CTNNA3: variants seen among roughly 807,000 people sequenced by gnomAD.
CTNNA3 encodes the protein catenin alpha 3, also known as catenin alpha-3.
In CTNNA3, 76 loss-of-function variants were observed where a neutral mutation model predicts 95.7. The observed-to-expected ratio is 0.79, with a 90% CI of 0.66 to 0.96. The LOEUF is 0.96. Among genes scored for constraint, CTNNA3 ranks in the 40% least tolerant of loss-of-function variants. The probability of loss-of-function intolerance (pLI) is 0.00; values close to 1 mark genes in which losing one functional copy is unlikely to be tolerated. For missense variants in CTNNA3, 1,191 were observed against 1,089.8 expected (o/e 1.09, Z -1.31); for synonymous variants, 431 against 374.4 (o/e 1.15, Z -1.74).
chr10:66,400,668 T>C (rs2441717), intron 11 of CTNNA3, among the ~76,000 whole-genome samples: 55,828 of 152,012 alleles, frequency 0.37, 12,506 homozygotes, highest in African/African-American at 0.62. Flanking sequence ...CTCTCTTCCC[T>C]GCTATAATAT....
At chr10:66,202,365 T>C (rs2087483001) in intron 13 of CTNNA3, among the ~76,000 whole-genome samples, 1 of 152,208 alleles carries the variant, frequency 6.6e-6, no homozygotes, top group African/African-American at 2.4e-5. Context: ...CAACTGTTGT[T>C]AGAATCATGT....
chr10:66,194,077 G>C (rs2086823818), intron 13 of CTNNA3, among the ~76,000 whole-genome samples: 1 of 152,106 alleles, frequency 6.6e-6, no homozygotes, highest in Non-Finnish European at 1.5e-5. Context: ...TTCAAAACTT[G>C]ATCATCTAAA....
chr10:66,615,995 C>A (rs1432884173), intron 10 of CTNNA3, among the ~76,000 whole-genome samples: 6 of 151,948 alleles, frequency 3.9e-5, no homozygotes, highest in Non-Finnish European at 1.5e-5. Flanking sequence ...TTTCAGTATT[C>A]TTCCAAGTCA....
intron 13 of CTNNA3, among the ~76,000 whole-genome samples, chr10:66,112,054 C>T (rs2082139790): frequency 6.6e-6 from 1 of 152,192 alleles, no homozygotes. Flanking sequence ...CTCCTCAACA[C>T]TGAGAGATCT....
At chr10:67,039,856 C>T (rs1925632) in intron 7 of CTNNA3, among the ~76,000 whole-genome samples, 4 of 152,034 alleles carry the variant, frequency 2.6e-5, no homozygotes, top group Admixed American at 2.0e-4. Flanking sequence ...CTTCCAAGAC[C>T]GTTACAGATT....
intron 12 of CTNNA3, among the ~76,000 whole-genome samples, chr10:66,293,613 G>A (rs890142382): frequency 1.3e-5 from 2 of 150,590 alleles, no homozygotes; most frequent in Non-Finnish European, 3.0e-5. Context: ...CCTGTACAAT[G>A]TAATTCATTA....
chr10:67,305,850 T>C (rs1840532084), intron 5 of CTNNA3, among the ~76,000 whole-genome samples: 1 of 151,880 alleles, frequency 6.6e-6, no homozygotes. Context: ...GAAAGAAAAA[T>C]AAGCAAAGGT....
chr10:66,752,662 T>C (rs1217692884), intron 9 of CTNNA3, among the ~76,000 whole-genome samples: 2 of 152,124 alleles, frequency 1.3e-5, no homozygotes, highest in African/African-American at 4.8e-5. Flanking sequence ...ATAGAGAACA[T>C]ATTTATAAAT....
chr10:66,480,089 A>C (rs1015360696), intron 11 of CTNNA3, among the ~76,000 whole-genome samples: 2 of 152,260 alleles, frequency 1.3e-5, no homozygotes, highest in Admixed American at 1.3e-4. Flanking sequence ...CTGATTTAGA[A>C]AACAATCCCA....
intron 15 of CTNNA3, among the ~76,000 whole-genome samples, chr10:66,065,231 T>A (rs1033617944): frequency 9.6e-6 from 1 of 104,346 alleles, no homozygotes; most frequent in Non-Finnish European, 2.4e-5. Flanking sequence ...GTTTAAATGG[T>A]TTTTTTTTGT....
At chr10:66,545,590 C>T (rs1184703964) in intron 10 of CTNNA3, among the ~76,000 whole-genome samples, 1 of 152,004 alleles carries the variant, frequency 6.6e-6, no homozygotes, top group Non-Finnish European at 1.5e-5. Context: ...ATTAACTTTT[C>T]ATTTCAGAAG....
At chr10:67,505,153 G>A (rs2133114467) in intron 5 of CTNNA3, among the ~76,000 whole-genome samples, 1 of 152,298 alleles carries the variant, frequency 6.6e-6, no homozygotes, top group South Asian at 2.1e-4. Flanking sequence ...CCCAAGGTGA[G>A]AAGAAATGCC....
At chr10:66,620,303 A>G (rs1844700210) in intron 10 of CTNNA3, among the ~76,000 whole-genome samples, 1 of 152,072 alleles carries the variant, frequency 6.6e-6, no homozygotes, top group African/African-American at 2.4e-5. Flanking sequence ...TTCAAAAGAC[A>G]TGGGCAACAG....
chr10:66,473,623 G>A (rs1033650301), intron 11 of CTNNA3, among the ~76,000 whole-genome samples: 4 of 151,538 alleles, frequency 2.6e-5, no homozygotes, highest in Middle Eastern at 6.8e-3. Flanking sequence ...CCATTAACTC[G>A]TCATTTACAT....
At chr10:66,636,139 C>A (rs1346972512) in intron 9 of CTNNA3, among the ~76,000 whole-genome samples, 1 of 151,766 alleles carries the variant, frequency 6.6e-6, no homozygotes, top group Non-Finnish European at 1.5e-5. Context: ...ATTTCATATC[C>A]CCTCATTCTT....
At chr10:66,897,138 G>A (rs1204910525) in intron 7 of CTNNA3, among the ~76,000 whole-genome samples, 2 of 151,890 alleles carry the variant, frequency 1.3e-5, no homozygotes, top group East Asian at 1.9e-4. Context: ...TGCTTTGTGT[G>A]AAAAAAATGA....
At chr10:66,316,770 C>CTTCTAATATTTAA (rs1383227155) in intron 12 of CTNNA3, among the ~76,000 whole-genome samples, 5 of 152,020 alleles carry the variant, frequency 3.3e-5, no homozygotes, top group Admixed American at 2.0e-4. Context: ...TATTCAAGGA[C>CTTCTAATATTTAA]CTGCTATATT....
At chr10:66,273,110 C>G (rs1422112146) in intron 13 of CTNNA3, among the ~76,000 whole-genome samples, 1 of 151,980 alleles carries the variant, frequency 6.6e-6, no homozygotes, top group Admixed American at 6.6e-5. Flanking sequence ...TTTTTTCTTT[C>G]CTTAATAAGT....
chr10:66,792,257 A>T (rs1206461611), intron 7 of CTNNA3, among the ~76,000 whole-genome samples: 1 of 152,232 alleles, frequency 6.6e-6, no homozygotes, highest in East Asian at 1.9e-4. Context: ...TTGTAAGAAC[A>T]ACTATCGTCA....
Sources: gnomAD v4.1 joint callset for allele counts (sites outside exome capture counted in the v4.1 genomes callset) on GRCh38, gnomAD v4.1.1 for gene constraint, MANE v1.5 for transcripts, NCBI Gene and HGNC (gene_info 2026-07-23, HGNC 2026-07-21) for gene names.